Variants in SV2C observed in about 807,000 individuals in gnomAD.
The protein encoded by SV2C is solute carrier family 22 member B3.
A neutral mutation model predicts 79.7 loss-of-function variants in SV2C; 49 were observed. That is an observed-to-expected ratio of 0.61 (90% confidence interval 0.49 to 0.78). The LOEUF (loss-of-function observed/expected upper bound fraction) is 0.78. Ranked by LOEUF, SV2C falls within the 30% of genes least tolerant of loss-of-function variation. The probability of loss-of-function intolerance (pLI) is 0.00; values close to 1 mark genes in which losing one functional copy is unlikely to be tolerated. For missense variants in SV2C, 833 were observed against 912.9 expected (o/e 0.91, Z 1.13); for synonymous variants, 334 against 333.2 (o/e 1.00, Z -0.03).
chr5:76,174,358 C>G (rs1743456455), intron 2 of SV2C, among the ~76,000 whole-genome samples: 1 of 152,254 alleles, frequency 6.6e-6, no homozygotes, highest in Admixed American at 6.5e-5. Context: ...GAGGTTTTCT[C>G]AATCCTATTT....
chr5:75,911,486 C>T, the SV2C span: 1 of 828,246 alleles, frequency 1.2e-6, no homozygotes, highest in Non-Finnish European at 2.0e-6. Flanking sequence ...TCCAGTCCTC[C>T]AGCCTCTGGA....
chr5:76,013,767 G>A, the SV2C span, among the ~76,000 whole-genome samples: 1 of 152,138 alleles, frequency 6.6e-6, no homozygotes, highest in Admixed American at 6.6e-5. Flanking sequence ...TCAGGCACTT[G>A]CATGTATGTG....
At chr5:76,147,851 A>G (rs956525538) in intron 2 of SV2C, among the ~76,000 whole-genome samples, 1 of 152,218 alleles carries the variant, frequency 6.6e-6, no homozygotes, top group Non-Finnish European at 1.5e-5. Context: ...AACATGTTGT[A>G]TATACCCTTT....
At chr5:75,893,677 T>C in the SV2C span, among the ~76,000 whole-genome samples, 522 of 152,208 alleles carry the variant, frequency 3.4e-3, 1 homozygote, top group African/African-American at 0.012. Flanking sequence ...TTTAATTGTA[T>C]CCCAAACCTC....
the SV2C span, among the ~76,000 whole-genome samples, chr5:76,001,612 A>G: frequency 5.3e-5 from 8 of 152,024 alleles, no homozygotes; most frequent in Non-Finnish European, 8.8e-5. Context: ...TCTTTTGTCC[A>G]GTTCAGAAAT....
chr5:76,171,560 G>A lies in SV2C; in HGVS notation c.581-23359G>A, dbSNP rs553730396. ...TCCGCCCGGCAGCCACCCCATCTGGGAAGTGAGGAGCGTCTCCGCCGGGCA... is the reference window on the plus strand; with the variant it reads ...TCCGCCCGGCAGCCACCCCATCTGGAAAGTGAGGAGCGTCTCCGCCGGGCA... On this transcript the variant is annotated intron_variant, in intron 2 of 12. Coordinates refer to ENST00000502798, the MANE Select transcript of SV2C (RefSeq NM_014979.4). Among the ~76,000 whole-genome samples the A allele has an allele frequency of 8.5e-4, 123 of 144,104 alleles. 5 individuals carry two copies. The highest frequency in any genetic ancestry group is 2.9e-3 in the African/African-American group (115 of 40,194). The allele number at this position is 144,104 out of a possible 152,430, so 94.5% of individuals were successfully genotyped here. A position where few individuals can be genotyped will look rare whatever the true frequency, so the allele number is the denominator to read the frequency against.
intron 2 of SV2C, among the ~76,000 whole-genome samples, chr5:76,182,309 G>C (rs1315062583): frequency 6.6e-6 from 1 of 151,920 alleles, no homozygotes; most frequent in African/African-American, 2.4e-5. Context: ...TATCAATTTT[G>C]TTATGACCTA....
chr5:76,288,073 G>T (rs986078890), intron 6 of SV2C, among the ~76,000 whole-genome samples: 1 of 140,080 alleles, frequency 7.1e-6, no homozygotes, highest in East Asian at 2.1e-4. Flanking sequence ...AACAGAGCAC[G>T]ACTCCATCTC....
At chr5:76,141,620 T>C (rs543770860) in intron 2 of SV2C, among the ~76,000 whole-genome samples, 2 of 152,038 alleles carry the variant, frequency 1.3e-5, no homozygotes, top group African/African-American at 4.8e-5. Context: ...GGTCAGGAGC[T>C]CAAGACCAGC....
the SV2C span, among the ~76,000 whole-genome samples, chr5:76,028,895 C>T: frequency 6.6e-6 from 1 of 152,208 alleles, no homozygotes; most frequent in Non-Finnish European, 1.5e-5. Context: ...AATAATGCCT[C>T]TAGCTGAGAA....
At chr5:75,862,835 G>A in the SV2C span, among the ~76,000 whole-genome samples, 2 of 152,194 alleles carry the variant, frequency 1.3e-5, no homozygotes, top group East Asian at 1.9e-4. Context: ...AAGAGAAGAC[G>A]TGATAATCGG....
the SV2C span, among the ~76,000 whole-genome samples, chr5:75,934,319 T>TTTTC: frequency 5.4e-5 from 8 of 146,864 alleles, no homozygotes; most frequent in African/African-American, 2.1e-4. Context: ...TTTTTTTTTT[T>TTTTC]CACTGTCGCT....
intron 9 of SV2C, 33 bp from the exon 10 acceptor site, chr5:76,298,761 T>G (rs1747866115): frequency 6.2e-7 from 1 of 1,608,600 alleles, no homozygotes; most frequent in African/African-American, 1.3e-5. Context: ...ACACAGTCAT[T>G]GATTGATATG....
At chr5:75,921,263 T>C in the SV2C span, 1 of 1,469,528 alleles carries the variant, frequency 6.8e-7, no homozygotes, top group Non-Finnish European at 9.4e-7. Context: ...GATCTGCAGG[T>C]CCTCCAGGTC....
intron 4 of SV2C, among the ~76,000 whole-genome samples, chr5:76,283,796 A>G (rs1424317783): frequency 6.6e-6 from 1 of 152,228 alleles, no homozygotes; most frequent in African/African-American, 2.4e-5. Flanking sequence ...TTTAAGAATG[A>G]GTAAGCATGC....
chr5:75,871,488 A>T, the SV2C span, among the ~76,000 whole-genome samples: 10 of 152,280 alleles, frequency 6.6e-5, no homozygotes, highest in East Asian at 1.5e-3. Flanking sequence ...AAAACTATTT[A>T]AAAAACTATG....
At chr5:76,232,909 C>G (rs1217567894) in intron 4 of SV2C, among the ~76,000 whole-genome samples, 1 of 143,062 alleles carries the variant, frequency 7.0e-6, no homozygotes, top group East Asian at 1.9e-4. Flanking sequence ...TTAGGATTGA[C>G]TTGGCGATGC....
intron 4 of SV2C, chr5:76,280,930 G>T: frequency 1.9e-6 from 1 of 529,918 alleles, no homozygotes; most frequent in South Asian, 1.4e-5. Context: ...CTGAGAGCGC[G>T]ACAGGGTCTG....
At chr5:75,878,801 CA>C in the SV2C span, among the ~76,000 whole-genome samples, 1 of 151,974 alleles carries the variant, frequency 6.6e-6, no homozygotes, top group Non-Finnish European at 1.5e-5. Context: ...CCATTTGTAA[CA>C]GGCAATTTTT....
Sources: allele counts gnomAD v4.1 joint callset (sites outside exome capture counted in the v4.1 genomes callset), GRCh38; gene constraint gnomAD v4.1.1; transcripts MANE v1.5; gene names NCBI Gene and HGNC (gene_info 2026-07-23, HGNC 2026-07-21).